Variants in LPP observed in about 807,000 individuals in gnomAD.
LPP encodes lipoma-preferred partner.
LPP carries 38 observed loss-of-function variants against 60.4 expected under a neutral mutation model. The observed-to-expected ratio is 0.63, with a 90% CI of 0.49 to 0.83. The LOEUF is 0.83. Ranked by LOEUF, LPP falls within the 40% of genes least tolerant of loss-of-function variation. The pLI is 0.00. For synonymous variants in LPP, 328 were observed against 290.8 expected, an observed-to-expected ratio of 1.13 and a Z score of -1.30; for missense variants, 902 against 783.6, an observed-to-expected ratio of 1.15 and a Z score of -1.80.
At chr3:188,316,542 T>C (rs1002515171) in intron 2 of LPP, among the ~76,000 whole-genome samples, 1 of 152,190 alleles carries the variant, frequency 6.6e-6, no homozygotes, top group Non-Finnish European at 1.5e-5. Flanking sequence ...CCATGATGTT[T>C]GTGACCTTGG....
intron 5 of LPP, among the ~76,000 whole-genome samples, chr3:188,516,136 C>G (rs951983857): frequency 3.9e-5 from 6 of 152,074 alleles, no homozygotes; most frequent in African/African-American, 1.4e-4. Context: ...GTAAGTCCTC[C>G]TCCCCTGGAG....
chr3:188,162,149 A>G (rs1013180094), intron 1 of LPP, among the ~76,000 whole-genome samples: 1 of 152,238 alleles, frequency 6.6e-6, no homozygotes, highest in African/African-American at 2.4e-5. Context: ...AGTATTTCAT[A>G]GCCTTCATAG....
intron 6 of LPP, among the ~76,000 whole-genome samples, chr3:188,598,602 G>C (rs1392241366): frequency 5.3e-5 from 8 of 152,098 alleles, no homozygotes; most frequent in Admixed American, 2.6e-4. Flanking sequence ...GATTTATATA[G>C]TTTTTGTCAA....
At chr3:188,543,413 C>T (rs1277483810) in intron 6 of LPP, among the ~76,000 whole-genome samples, 2 of 152,124 alleles carry the variant, frequency 1.3e-5, no homozygotes, top group East Asian at 3.9e-4. Context: ...CTTAGCTGGA[C>T]CACCAACTTC....
At chr3:188,723,862 A>G (rs936756179) in intron 8 of LPP, among the ~76,000 whole-genome samples, 8 of 152,040 alleles carry the variant, frequency 5.3e-5, no homozygotes, top group African/African-American at 7.2e-5. Flanking sequence ...GTGTTTATAT[A>G]TTTTCTATTT....
At chr3:188,374,563 C>T (rs1180565484) in intron 3 of LPP, among the ~76,000 whole-genome samples, 1 of 152,136 alleles carries the variant, frequency 6.6e-6, no homozygotes, top group East Asian at 1.9e-4. Context: ...GATTTTGTAT[C>T]CTGAGACTGC....
intron 7 of LPP, among the ~76,000 whole-genome samples, chr3:188,632,151 C>T (rs1215271826): frequency 1.3e-5 from 2 of 152,076 alleles, no homozygotes; most frequent in Non-Finnish European, 2.9e-5. Flanking sequence ...CTCTCCTTAC[C>T]TCTGTCTTTT....
intron 2 of LPP, among the ~76,000 whole-genome samples, chr3:188,253,128 G>A (rs557157779): frequency 5.0e-4 from 75 of 150,412 alleles, no homozygotes; most frequent in African/African-American, 1.8e-3. Flanking sequence ...AATTAGAAAG[G>A]TCTTCGGAAA....
chr3:188,668,299 G>A (rs1189683042), intron 7 of LPP, among the ~76,000 whole-genome samples: 1 of 152,062 alleles, frequency 6.6e-6, no homozygotes, highest in Non-Finnish European at 1.5e-5. Flanking sequence ...ATAATTTTAT[G>A]CCTGGACATG....
chr3:188,417,678 C>A (rs962174044), intron 4 of LPP, among the ~76,000 whole-genome samples: 4 of 152,162 alleles, frequency 2.6e-5, no homozygotes, highest in African/African-American at 9.7e-5. Flanking sequence ...TGATCTTATA[C>A]CACAGGCAAG....
chr3:188,375,555 C>A (rs1284859802), intron 3 of LPP, among the ~76,000 whole-genome samples: 2 of 152,086 alleles, frequency 1.3e-5, no homozygotes, highest in East Asian at 3.9e-4. Flanking sequence ...GTGGTGATAT[C>A]CCCTTTATCA....
chr3:188,872,736 T>C lies in LPP; in HGVS notation c.1683T>C (p.Asp561=). ...ETVRIVALDR[D]FHVHCYRCED... ...TCCGTATTGTGGCTTTGGATCGAGA[T>C]TTCCATGTTCACTGCTACCGATGCG... is the stretch of plus-strand genomic sequence containing the variant. Residue 561 remains aspartate, a synonymous_variant, in exon 11 of 12, where the codon GAT becomes GAC. Coordinates refer to ENST00000617246, the MANE Select transcript of LPP (RefSeq NM_001375462.1). The C allele has an allele frequency of 1.9e-6, 3 of 1,614,136 alleles. No homozygotes were observed. The highest frequency in any genetic ancestry group is 2.2e-5 in the East Asian group (1 of 44,870).
chr3:188,322,625 G>T (rs1210957689), intron 2 of LPP, among the ~76,000 whole-genome samples: 1 of 152,200 alleles, frequency 6.6e-6, no homozygotes, highest in African/African-American at 2.4e-5. Flanking sequence ...TGATTCTCTG[G>T]TAGAAGAGAA....
At chr3:188,303,472 T>C (rs2150170730) in intron 2 of LPP, among the ~76,000 whole-genome samples, 1 of 152,324 alleles carries the variant, frequency 6.6e-6, no homozygotes, top group East Asian at 1.9e-4. Flanking sequence ...TCAGACTCCT[T>C]CTCTGATCTC....
intron 2 of LPP, among the ~76,000 whole-genome samples, chr3:188,317,319 G>A (rs1755371150): frequency 6.6e-6 from 1 of 151,556 alleles, no homozygotes; most frequent in African/African-American, 2.4e-5. Flanking sequence ...CACCATTAAT[G>A]GTGTGTTATT....
intron 7 of LPP, among the ~76,000 whole-genome samples, chr3:188,612,590 G>A (rs1843955928): frequency 6.6e-6 from 1 of 152,056 alleles, no homozygotes; most frequent in Non-Finnish European, 1.5e-5. Flanking sequence ...GATTGCAAAA[G>A]GCTTGGAAAT....
intron 5 of LPP, among the ~76,000 whole-genome samples, chr3:188,485,702 C>A (rs1366294965): frequency 7.0e-6 from 1 of 143,518 alleles, no homozygotes; most frequent in Non-Finnish European, 1.5e-5. Flanking sequence ...GAGGCTGAGG[C>A]AGGAGAATGG....
chr3:188,860,579 CTG>C (rs1764951305), intron 9 of LPP, among the ~76,000 whole-genome samples: 1 of 151,946 alleles, frequency 6.6e-6, no homozygotes, highest in Non-Finnish European at 1.5e-5. Flanking sequence ...TTGAAACACA[CTG>C]TGTGTTAACC....
intron 9 of LPP, among the ~76,000 whole-genome samples, chr3:188,852,361 CAGCTTTGGGATAACCT>C (rs929493376): frequency 2.0e-5 from 3 of 152,130 alleles, no homozygotes; most frequent in Non-Finnish European, 4.4e-5. Flanking sequence ...GTGGTCTCTC[CAGCTTTGGGATAACCT>C]AACTTCTTAC....
Sources: gnomAD v4.1 joint callset for allele counts (sites outside exome capture counted in the v4.1 genomes callset) on GRCh38, gnomAD v4.1.1 for gene constraint, MANE v1.5 for transcripts, NCBI Gene and HGNC (gene_info 2026-07-23, HGNC 2026-07-21) for gene names.